WWP2: variants seen among roughly 807,000 people sequenced by gnomAD.
WWP2 encodes WW domain containing E3 ubiquitin protein ligase 2.
A neutral mutation model predicts 121.0 loss-of-function variants in WWP2; 57 were observed. The ratio of observed to expected loss-of-function variants is 0.47; its 90% CI spans 0.38 to 0.59. The LOEUF (loss-of-function observed/expected upper bound fraction) is 0.59. Ranked by LOEUF, WWP2 falls within the 20% of genes least tolerant of loss-of-function variation. WWP2 has a pLI of 0.00. For missense variants in WWP2, 962 were observed against 1,158.9 expected (o/e 0.83, Z 2.47); for synonymous variants, 449 against 441.3 (o/e 1.02, Z -0.22).
At chr16:69,838,466 C>T (rs2056917735) in intron 4 of WWP2, among the ~76,000 whole-genome samples, 1 of 148,572 alleles carries the variant, frequency 6.7e-6, no homozygotes, top group Admixed American at 6.7e-5. Context: ...AAAAAAAAGC[C>T]CACAATAATC....
intron 16 of WWP2, 43 bp downstream of exon 16, chr16:69,931,933 C>T: frequency 6.4e-7 from 1 of 1,566,678 alleles, no homozygotes; most frequent in Non-Finnish European, 8.7e-7. Context: ...ACCCCGCTTC[C>T]CCAGGCTACA....
intron 21 of WWP2, 127 bp from the exon 22 acceptor site, chr16:69,938,900 C>T (rs1651877406): frequency 1.3e-6 from 1 of 779,794 alleles, no homozygotes; most frequent in African/African-American, 1.7e-5. Flanking sequence ...GCTGTCATCC[C>T]CTGGCCAACC....
chr16:69,798,590 G>A, intron 2 of WWP2, 92 bp from the exon 3 acceptor site: 1 of 1,381,144 alleles, frequency 7.2e-7, no homozygotes, highest in Non-Finnish European at 9.7e-7. Context: ...ATTTTTTAAA[G>A]CAATAACTAA....
In WWP2 at chr16:69,936,035, C is replaced by T. The variant is rs1374844328; in HGVS notation, c.1976+49C>T. 2.5e-6 allele frequency: 4 copies of T among 1,599,502 alleles called. No homozygotes were observed. The South Asian group carries it at 4.5e-5, about 18-fold the overall frequency. ...CACCGCGCTGATAGGAGGGACGTCT[C>T]TGGGTGGGAAGCAGGTACTGATGGC... On this transcript the variant is annotated intron_variant, in intron 18 of 23. Transcript: ENST00000359154.
intron 1 of WWP2, among the ~76,000 whole-genome samples, chr16:69,778,972 T>C (rs1360336768): frequency 8.7e-6 from 1 of 114,892 alleles, no homozygotes; most frequent in East Asian, 2.8e-4. Context: ...TTTTTTGAGA[T>C]GGAGTCTCGC....
At chr16:69,772,724 T>G (rs533971080) in intron 1 of WWP2, among the ~76,000 whole-genome samples, 1 of 152,240 alleles carries the variant, frequency 6.6e-6, no homozygotes, top group South Asian at 2.1e-4. Flanking sequence ...GTGTGTCTTG[T>G]GGGGAGGTGC....
chr16:69,773,291 G>A (rs2055458110), intron 1 of WWP2, among the ~76,000 whole-genome samples: 1 of 151,458 alleles, frequency 6.6e-6, no homozygotes, highest in Admixed American at 6.6e-5. Flanking sequence ...TGATTCTCCT[G>A]CCTCAGCCTC....
intron 6 of WWP2, among the ~76,000 whole-genome samples, chr16:69,856,736 T>C (rs1372908198): frequency 6.6e-6 from 1 of 151,806 alleles, no homozygotes; most frequent in Non-Finnish European, 1.5e-5. Context: ...ATCACGCCAC[T>C]GCACTCCAGC....
At chr16:69,876,705 T>C (rs111563078) in intron 7 of WWP2, among the ~76,000 whole-genome samples, 4 of 152,220 alleles carry the variant, frequency 2.6e-5, no homozygotes, top group African/African-American at 9.6e-5. Context: ...AAAGGCAAGA[T>C]GACTCCTTGA....
chr16:69,940,291 G>A lies in WWP2; in HGVS notation c.*351G>A. 4.0e-6 allele frequency: 1 copy of A among 250,438 alleles called. No individual in the cohort carries two copies. Among genetic ancestry groups the A allele is most frequent in the Non-Finnish European group, 7.7e-6 (1 of 130,230 alleles). The allele number at this position is 250,438 out of a possible 1,614,324, so 15.5% of individuals were successfully genotyped here. ...TTGCATCCCCAGGGGCTGCCGCAGA[G>A]GCCGGAGACCTCCTGGACTAGTTCG... On this transcript the variant is annotated 3_prime_UTR_variant, in exon 24 of 24. Transcript: ENST00000359154.
chr16:69,781,309 C>T (rs970600777), intron 1 of WWP2, among the ~76,000 whole-genome samples: 9 of 151,952 alleles, frequency 5.9e-5, no homozygotes, highest in South Asian at 2.1e-4. Flanking sequence ...TTGCATAGGA[C>T]GTCAAAGTTC....
intron 7 of WWP2, among the ~76,000 whole-genome samples, chr16:69,876,354 GT>G (rs57953452): frequency 0.086 from 11,579 of 134,608 alleles, 441 homozygotes; most frequent in Middle Eastern, 0.13. Context: ...GTTTTTTGGG[GT>G]TTTTTTTTTT....
chr16:69,798,943 A>T, intron 3 of WWP2, 114 bp downstream of exon 3: 1 of 1,464,720 alleles, frequency 6.8e-7, no homozygotes, highest in African/African-American at 1.4e-5. Context: ...TTTTCTACCT[A>T]TGGTACCCAA....
At chr16:69,822,019 C>T (rs1335357873) in intron 4 of WWP2, among the ~76,000 whole-genome samples, 1 of 152,042 alleles carries the variant, frequency 6.6e-6, no homozygotes, top group African/African-American at 2.4e-5. Context: ...GAAATGCACA[C>T]CACTATGCCC....
chr16:69,786,102 C>T (rs1192677213), intron 1 of WWP2: 1 of 150,028 alleles, frequency 6.7e-6, no homozygotes, highest in Non-Finnish European at 1.5e-5. Context: ...AGCTGTCTTT[C>T]TGCTGTGAAT....
At chr16:69,934,922 TGAACAGTA>T (rs370622871) in intron 17 of WWP2, among the ~76,000 whole-genome samples, 93 of 152,274 alleles carry the variant, frequency 6.1e-4, no homozygotes, top group South Asian at 4.6e-3. Flanking sequence ...TGCCTCCTGG[TGAACAGTA>T]GACTGGCTGG....
intron 1 of WWP2, among the ~76,000 whole-genome samples, chr16:69,774,068 G>T (rs1430149140): frequency 6.6e-6 from 1 of 151,996 alleles, no homozygotes; most frequent in Non-Finnish European, 1.5e-5. Context: ...ATGCTCCCCA[G>T]ATAATTCAGA....
At chr16:69,931,925 C>G in intron 16 of WWP2, 35 bp downstream of exon 16, 1 of 1,583,420 alleles carries the variant, frequency 6.3e-7, no homozygotes, top group Non-Finnish European at 8.6e-7. Flanking sequence ...TGCCCTGTAC[C>G]CCGCTTCCCC....
chr16:69,907,855 G>A (rs1241422444), intron 8 of WWP2, among the ~76,000 whole-genome samples: 2 of 152,162 alleles, frequency 1.3e-5, no homozygotes, highest in Non-Finnish European at 2.9e-5. Context: ...CCCAGATCTC[G>A]TTTAAGATAC....
Sources: allele counts gnomAD v4.1 joint callset (sites outside exome capture counted in the v4.1 genomes callset), GRCh38; gene constraint gnomAD v4.1.1; transcripts MANE v1.5; gene names NCBI Gene and HGNC (gene_info 2026-07-23, HGNC 2026-07-21).